Variants in LRP1B observed in about 807,000 individuals in gnomAD.
The protein encoded by LRP1B is low-density lipoprotein receptor-related protein 1B.
Under a neutral mutation model 556.6 loss-of-function variants are expected in LRP1B, and 217 were observed. The observed-to-expected ratio is 0.39, with a 90% CI of 0.35 to 0.44. LRP1B has a LOEUF of 0.44. Among genes scored for constraint, LRP1B ranks in the 20% least tolerant of loss-of-function variants. The pLI is 1.00. For missense variants in LRP1B, 5,053 were observed against 5,620.8 expected, an observed-to-expected ratio of 0.90 and a Z score of 3.23; for synonymous variants, 2,047 against 1,865.8, an observed-to-expected ratio of 1.10 and a Z score of -2.50.
Position 140,440,743 on chromosome 2 carries a change from A to ATGTGTGTGTGTGTGTG in LRP1B, c.10414+1745_10414+1760dup, listed in dbSNP as rs375585057. Among the ~76,000 whole-genome samples, 678 of 150,546 alleles carry ATGTGTGTGTGTGTGTG rather than the reference A, an allele frequency of 4.5e-3. 7 individuals are homozygous for ATGTGTGTGTGTGTGTG. Among genetic ancestry groups the ATGTGTGTGTGTGTGTG allele is most frequent in the African/African-American group, 0.012 (509 of 41,010 alleles). ...CCTCCATCCTTGTCCCTCTGTATGT[A>ATGTGTGTGTGTGTGTG]TGTGTGTGTGTGTGTGTACACACAC... On this transcript the variant is annotated intron_variant, in intron 66 of 90. Transcript: ENST00000389484.
intron 11 of LRP1B, among the ~76,000 whole-genome samples, chr2:141,026,818 C>G (rs1573995107): frequency 6.6e-6 from 1 of 152,082 alleles, no homozygotes; most frequent in East Asian, 1.9e-4. Flanking sequence ...TAGGCAGCAG[C>G]CTTGTTGTGA....
intron 59 of LRP1B, among the ~76,000 whole-genome samples, chr2:140,476,813 A>G (rs1158580172): frequency 2.0e-5 from 3 of 152,048 alleles, no homozygotes; most frequent in South Asian, 4.1e-4. Context: ...GTCAAAATGT[A>G]AAATAAACTT....
At chr2:141,074,673 C>CT (rs1699741669) in intron 7 of LRP1B, among the ~76,000 whole-genome samples, 1 of 148,644 alleles carries the variant, frequency 6.7e-6, no homozygotes, top group South Asian at 2.1e-4. Context: ...CTTTGACAGG[C>CT]TCTTTATAAA....
At chr2:141,205,818 T>C (rs996918221) in intron 6 of LRP1B, among the ~76,000 whole-genome samples, 4 of 152,190 alleles carry the variant, frequency 2.6e-5, no homozygotes, top group Non-Finnish European at 5.9e-5. Context: ...CCCTTTGAGA[T>C]AATAAAAGAC....
chr2:141,222,451 C>A (rs140979243), intron 6 of LRP1B, among the ~76,000 whole-genome samples: 210 of 152,242 alleles, frequency 1.4e-3, no homozygotes, highest in African/African-American at 4.3e-3. Flanking sequence ...ACCAGAGGTA[C>A]AAAGCGGAGC....
chr2:141,710,730 G>C (rs533383289), intron 2 of LRP1B, among the ~76,000 whole-genome samples: 1 of 152,246 alleles, frequency 6.6e-6, no homozygotes, highest in Non-Finnish European at 1.5e-5. Flanking sequence ...CTCCAACTAA[G>C]ATTTAGAACC....
At chr2:140,868,590 CA>C (rs1351551531) in intron 25 of LRP1B, among the ~76,000 whole-genome samples, 1 of 151,856 alleles carries the variant, frequency 6.6e-6, no homozygotes, top group East Asian at 1.9e-4. Context: ...ATGAGGAGAG[CA>C]GTATAAAGAG....
At chr2:141,119,612 C>T (rs1362505302) in intron 7 of LRP1B, among the ~76,000 whole-genome samples, 1 of 151,726 alleles carries the variant, frequency 6.6e-6, no homozygotes, top group Non-Finnish European at 1.5e-5. Context: ...AAAGGAAAAG[C>T]ACATTGTCCT....
At chr2:140,425,055 T>G (rs1249286853) in intron 66 of LRP1B, among the ~76,000 whole-genome samples, 1 of 145,752 alleles carries the variant, frequency 6.9e-6, no homozygotes, top group Non-Finnish European at 1.5e-5. Flanking sequence ...GGAGGGACGT[T>G]TTTTTTTTAT....
chr2:140,323,266 GAATTACCTT>G (rs995899474), intron 81 of LRP1B, among the ~76,000 whole-genome samples: 4 of 151,950 alleles, frequency 2.6e-5, no homozygotes, highest in African/African-American at 9.7e-5. Context: ...ATTTTCAAGA[GAATTACCTT>G]AATTACCTCA....
At chr2:140,473,766 C>T (rs1437990722) in intron 60 of LRP1B, among the ~76,000 whole-genome samples, 2 of 151,788 alleles carry the variant, frequency 1.3e-5, no homozygotes, top group Non-Finnish European at 3.0e-5. Flanking sequence ...AACCTCCTAG[C>T]ACTTTATATG....
intron 2 of LRP1B, among the ~76,000 whole-genome samples, chr2:141,727,423 A>G (rs1693080860): frequency 6.6e-6 from 1 of 152,136 alleles, no homozygotes; most frequent in Non-Finnish European, 1.5e-5. Context: ...GCAATATGAC[A>G]CAGGTTGGCA....
At chr2:140,803,918 A>G (rs1690616983) in intron 32 of LRP1B, among the ~76,000 whole-genome samples, 2 of 147,052 alleles carry the variant, frequency 1.4e-5, no homozygotes, top group Non-Finnish European at 3.0e-5. Flanking sequence ...TGACAAAAGC[A>G]ATGGAGAGCC....
chr2:141,886,699 T>A (rs1699124103), intron 1 of LRP1B, among the ~76,000 whole-genome samples: 1 of 152,212 alleles, frequency 6.6e-6, no homozygotes, highest in African/African-American at 2.4e-5. Context: ...TTTTTAAAAT[T>A]CCTTTGCTTA....
rs149231898 is a variant in LRP1B, at chr2:141,202,974, C to T, written c.851-14391G>A. 7.7e-4 allele frequency among the ~76,000 whole-genome samples: 117 copies of T among 151,992 alleles called. 3 individuals are homozygous for T. In the East Asian group the frequency reaches 0.014, roughly 18 times the overall value. ...ACTCCCAATTATGAGTGAGAACATGCGATACTTGGTTTTCTATTCTGTTTT... is the reference window on the plus strand; with the variant it reads ...ACTCCCAATTATGAGTGAGAACATGTGATACTTGGTTTTCTATTCTGTTTT... On this transcript the variant is annotated intron_variant, in intron 6 of 90. Coordinates refer to ENST00000389484, the MANE Select transcript of LRP1B (RefSeq NM_018557.3).
intron 1 of LRP1B, among the ~76,000 whole-genome samples, chr2:141,937,016 T>G (rs1700653112): frequency 6.6e-6 from 1 of 152,052 alleles, no homozygotes; most frequent in South Asian, 2.1e-4. Flanking sequence ...ATGTATTCAC[T>G]TAATTCAAAA....
intron 86 of LRP1B, among the ~76,000 whole-genome samples, chr2:140,250,779 A>G (rs1343186977): frequency 6.6e-6 from 1 of 151,748 alleles, no homozygotes; most frequent in East Asian, 1.9e-4. Context: ...AATCTGATGT[A>G]AATAATTCAC....
intron 20 of LRP1B, among the ~76,000 whole-genome samples, chr2:140,937,932 A>G (rs1386981064): frequency 6.6e-6 from 1 of 150,862 alleles, no homozygotes; most frequent in Non-Finnish European, 1.5e-5. Context: ...TTTGGTACAT[A>G]ATATTGTCAG....
intron 37 of LRP1B, among the ~76,000 whole-genome samples, chr2:140,704,546 C>T (rs1434805521): frequency 6.6e-6 from 1 of 152,174 alleles, no homozygotes; most frequent in African/African-American, 2.4e-5. Flanking sequence ...TAAAAATCTA[C>T]ACCTTTATTA....
Sources: allele counts gnomAD v4.1 joint callset (sites outside exome capture counted in the v4.1 genomes callset), GRCh38; gene constraint gnomAD v4.1.1; transcripts MANE v1.5; gene names NCBI Gene and HGNC (gene_info 2026-07-23, HGNC 2026-07-21).